The following LAMA2 variants were observed in gnomAD, a reference collection of about 807,000 sequenced individuals.
The protein encoded by LAMA2 is laminin subunit alpha 2.
In LAMA2, 269 loss-of-function variants were observed where a neutral mutation model predicts 364.8. The observed-to-expected ratio is 0.74, with a 90% CI of 0.67 to 0.82. The LOEUF is 0.82. Ranked by LOEUF, LAMA2 falls within the 40% of genes least tolerant of loss-of-function variation. The probability of loss-of-function intolerance (pLI) is 0.00; values close to 1 mark genes in which losing one functional copy is unlikely to be tolerated. For synonymous variants in LAMA2, 1,379 were observed against 1,370.6 expected (o/e 1.01, Z -0.14); for missense variants, 3,807 against 3,873.2 (o/e 0.98, Z 0.45).
chr6:129,389,314 A>C (rs1779191914), intron 35 of LAMA2, among the ~76,000 whole-genome samples: 1 of 152,150 alleles, frequency 6.6e-6, no homozygotes, highest in South Asian at 2.1e-4. Context: ...AATATCATAG[A>C]TTTTGTGCCT....
chr6:129,140,846 G>C (rs550492114), intron 4 of LAMA2, among the ~76,000 whole-genome samples: 2 of 152,190 alleles, frequency 1.3e-5, no homozygotes, highest in Admixed American at 1.3e-4. Context: ...ATATTCACAA[G>C]ATCTCTTGGC....
At chr6:128,920,432 A>T (rs1354479012) in intron 1 of LAMA2, among the ~76,000 whole-genome samples, 1 of 152,076 alleles carries the variant, frequency 6.6e-6, no homozygotes, top group Non-Finnish European at 1.5e-5. Flanking sequence ...CTGGGATTAC[A>T]GGCGTGAGCC....
intron 1 of LAMA2, among the ~76,000 whole-genome samples, chr6:128,917,176 TA>T (rs5879914): frequency 0.79 from 116,384 of 146,994 alleles, 46,538 homozygotes; most frequent in South Asian, 0.87. Flanking sequence ...AAGCCTTTTT[TA>T]AAAAAAAAAA....
chr6:129,262,257 A>G (rs1194739105), intron 15 of LAMA2, among the ~76,000 whole-genome samples: 1 of 152,164 alleles, frequency 6.6e-6, no homozygotes, highest in Non-Finnish European at 1.5e-5. Context: ...TAATAAGTAC[A>G]TACAACATAA....
rs774671891 is a variant in LAMA2, at chr6:129,453,176, A to T, written c.6573+45A>T. 3 of 1,550,158 alleles carry T rather than the reference A, an allele frequency of 1.9e-6. No individual in the cohort carries two copies. The South Asian group carries it at 3.3e-5, about 17-fold the overall frequency. ...TTTCATTAGGCTGCTGTATGTGTAT[A>T]GCTAGAGGTTAATCTGAAAATGTAT... On this transcript the variant is annotated intron_variant, in intron 46 of 64. Coordinates refer to ENST00000421865, the MANE Select transcript of LAMA2 (RefSeq NM_000426.4).
At chr6:129,033,472 A>G (rs1349474625) in intron 1 of LAMA2, among the ~76,000 whole-genome samples, 1 of 152,220 alleles carries the variant, frequency 6.6e-6, no homozygotes, top group Non-Finnish European at 1.5e-5. Flanking sequence ...GAACATGAAT[A>G]TAAGCTCATG....
At chr6:129,006,982 C>G (rs1204046083) in intron 1 of LAMA2, among the ~76,000 whole-genome samples, 5 of 152,106 alleles carry the variant, frequency 3.3e-5, no homozygotes. Context: ...TGAAGCTCTC[C>G]CTGACATCCT....
intron 1 of LAMA2, among the ~76,000 whole-genome samples, chr6:128,892,479 T>A: frequency 6.6e-6 from 1 of 152,030 alleles, no homozygotes; most frequent in East Asian, 1.9e-4. Flanking sequence ...TTTAAAAACT[T>A]CTTTAATACT....
intron 1 of LAMA2, among the ~76,000 whole-genome samples, chr6:128,913,836 A>G (rs1778133025): frequency 6.6e-6 from 1 of 152,152 alleles, no homozygotes; most frequent in Admixed American, 6.6e-5. Context: ...GTGCAAGGGA[A>G]AAGAAAATTC....
intron 4 of LAMA2, among the ~76,000 whole-genome samples, chr6:129,100,158 A>T (rs576805364): frequency 1.3e-5 from 2 of 152,340 alleles, no homozygotes; most frequent in African/African-American, 4.8e-5. Context: ...CCCTTCATTA[A>T]TAATGGTTCT....
In LAMA2 at chr6:129,177,704, A is replaced by G. The variant is rs780263878; in HGVS notation, c.1307-2A>G. ...GTTGATATGTGGCTCATCTTTCTTT[A>G]GGTTTGGCACCTGGATCCTGTCATT... On this transcript the variant is annotated splice_acceptor_variant, in intron 9 of 64. Coordinates refer to ENST00000421865, the MANE Select transcript of LAMA2 (RefSeq NM_000426.4). LOFTEE classifies it high-confidence loss of function. 7 of 1,613,794 alleles carry G rather than the reference A, an allele frequency of 4.3e-6. No homozygotes were observed. The highest frequency in any genetic ancestry group is 5.9e-6 in the Non-Finnish European group (7 of 1,179,816).
At chr6:128,905,262 G>A (rs992262093) in intron 1 of LAMA2, 1 of 152,158 alleles carries the variant, frequency 6.6e-6, no homozygotes, top group Admixed American at 6.5e-5. Context: ...CACGTATTTT[G>A]ATAATCATTT....
chr6:129,505,077 A>G lies in LAMA2; in HGVS notation c.8548-123A>G, dbSNP rs1013208077. 34 of 838,048 alleles carry G rather than the reference A, an allele frequency of 4.1e-5. No homozygotes were observed. In the African/African-American group the frequency reaches 4.7e-4, roughly 12 times the overall value. The allele number at this position is 838,048 out of a possible 1,614,324, so 51.9% of individuals were successfully genotyped here. A position where few individuals can be genotyped will look rare whatever the true frequency, so the allele number is the denominator to read the frequency against. On this transcript the variant is annotated intron_variant, in intron 60 of 64. Coordinates refer to ENST00000421865, the MANE Select transcript of LAMA2 (RefSeq NM_000426.4). Reference sequence around the variant, plus strand: ...CCCATATATAATGGGCTTAGCGCATACTAAGCACTGTGTACATTGTTTCAA... The same window carrying G: ...CCCATATATAATGGGCTTAGCGCATGCTAAGCACTGTGTACATTGTTTCAA...
chr6:128,987,128 T>TG (rs1213582465), intron 1 of LAMA2, among the ~76,000 whole-genome samples: 4 of 63,420 alleles, frequency 6.3e-5, no homozygotes, highest in Admixed American at 3.4e-4. Flanking sequence ...GATAGTTTGT[T>TG]TTTTTTTTTT....
At position 129,232,179 on chromosome 6, in the gene LAMA2, G is replaced by A. The variant is rs3778126; in HGVS notation, c.1783-17933G>A. Among the ~76,000 whole-genome samples the A allele has an allele frequency of 9.4e-3, 1,432 of 152,112 alleles. 94 individuals are homozygous for A. The East Asian group carries it at 0.16, about 17-fold the overall frequency. ...GTACAATATGGTCCTAATTTGTGTCGATATGTGCTAGGCTTAGAAAACTCA... is the reference window on the plus strand; with the variant it reads ...GTACAATATGGTCCTAATTTGTGTCAATATGTGCTAGGCTTAGAAAACTCA... On this transcript the variant is annotated intron_variant, in intron 12 of 64. Coordinates refer to ENST00000421865, the MANE Select transcript of LAMA2 (RefSeq NM_000426.4).
chr6:128,962,244 G>T (rs1315440393), intron 1 of LAMA2, among the ~76,000 whole-genome samples: 1 of 143,154 alleles, frequency 7.0e-6, no homozygotes, highest in East Asian at 2.1e-4. Flanking sequence ...TAGAAGATTT[G>T]TAGGTTATAA....
At chr6:129,439,869 A>G (rs1159311336) in intron 42 of LAMA2, among the ~76,000 whole-genome samples, 2 of 140,914 alleles carry the variant, frequency 1.4e-5, no homozygotes, top group African/African-American at 5.8e-5. Flanking sequence ...TTGGTTATAT[A>G]GATAACATAA....
At chr6:129,120,340 T>A (rs551038983) in intron 4 of LAMA2, among the ~76,000 whole-genome samples, 1 of 152,320 alleles carries the variant, frequency 6.6e-6, no homozygotes, top group East Asian at 1.9e-4. Context: ...AAGTTTATCA[T>A]TACGAAAAGG....
At chr6:129,268,146 T>C (rs1012731459) in intron 16 of LAMA2, among the ~76,000 whole-genome samples, 7 of 152,114 alleles carry the variant, frequency 4.6e-5, no homozygotes, top group African/African-American at 1.7e-4. Flanking sequence ...GGCTTTTGTT[T>C]CAGTGTAATT....
Sources: allele counts gnomAD v4.1 joint callset (sites outside exome capture counted in the v4.1 genomes callset), GRCh38; gene constraint gnomAD v4.1.1; transcripts MANE v1.5; gene names NCBI Gene and HGNC (gene_info 2026-07-23, HGNC 2026-07-21).